ATRN: variants seen among roughly 807,000 people sequenced by gnomAD.
ATRN encodes attractin-2.
In ATRN, 54 loss-of-function variants were observed where a neutral mutation model predicts 178.7. That is an observed-to-expected ratio of 0.30 (90% confidence interval 0.24 to 0.38). The LOEUF (loss-of-function observed/expected upper bound fraction) is 0.38, where lower values mean the gene tolerates loss of function less well. Ranked by LOEUF, ATRN falls within the 10% of genes least tolerant of loss-of-function variation. ATRN has a pLI of 1.00. For synonymous variants in ATRN, 636 were observed against 663.0 expected, an observed-to-expected ratio of 0.96 and a Z score of 0.63; for missense variants, 1,443 against 1,815.1, an observed-to-expected ratio of 0.79 and a Z score of 3.73.
chr20:3,547,250 T>G, intron 4 of ATRN, 34 bp from the exon 5 acceptor site: 1 of 1,507,538 alleles, frequency 6.6e-7, no homozygotes, highest in South Asian at 1.1e-5. Context: ...AGCGTTGCGT[T>G]GTGTTAATGT....
intron 6 of ATRN, among the ~76,000 whole-genome samples, chr20:3,552,559 A>G (rs910503516): frequency 2.6e-5 from 4 of 152,190 alleles, no homozygotes; most frequent in Non-Finnish European, 5.9e-5. Flanking sequence ...CTACATAACA[A>G]ATTACCACAA....
intron 9 of ATRN, 99 bp from the exon 10 acceptor site, chr20:3,563,110 G>T: frequency 1.9e-6 from 2 of 1,034,334 alleles, no homozygotes; most frequent in South Asian, 1.9e-5. Context: ...TGTACATTTG[G>T]GTCTGAGGTT....
rs141645103 is a variant in ATRN at position 3,514,676 on chromosome 20, T to A, written c.411-20577T>A. On this transcript the variant is annotated intron_variant, in intron 1 of 28. Transcript: ENST00000262919. The stretch of plus-strand genomic sequence containing the variant: ...CAAACTAGGAATGGAAAATACTTCC[T>A]TGGCTGGGTGAGGTGACTCATGCCT... 3.6e-4 allele frequency among the ~76,000 whole-genome samples: 55 copies of A among 152,324 alleles called. 2 individuals carry two copies. The East Asian group carries it at 0.01, about 29-fold the overall frequency.
intron 1 of ATRN, among the ~76,000 whole-genome samples, chr20:3,480,290 G>A (rs188036970): frequency 3.9e-5 from 6 of 152,118 alleles, no homozygotes; most frequent in Non-Finnish European, 2.9e-5. Context: ...GACTTTTGTC[G>A]GAGATCCCTT....
intron 25 of ATRN, among the ~76,000 whole-genome samples, chr20:3,628,240 A>C (rs571973856): frequency 7.3e-5 from 11 of 149,662 alleles, no homozygotes; most frequent in Non-Finnish European, 1.6e-4. Flanking sequence ...GATAAAATTT[A>C]ATACCCATTC....
chr20:3,505,840 A>G (rs1162356027), intron 1 of ATRN, among the ~76,000 whole-genome samples: 1 of 152,260 alleles, frequency 6.6e-6, no homozygotes, highest in Non-Finnish European at 1.5e-5. Context: ...TATTTGATAA[A>G]TTAGACTTCA....
At chr20:3,475,798 A>G (rs2146056658) in intron 1 of ATRN, among the ~76,000 whole-genome samples, 1 of 152,348 alleles carries the variant, frequency 6.6e-6, no homozygotes, top group Non-Finnish European at 1.5e-5. Flanking sequence ...TGTAGAAAAA[A>G]AAAGAAAGGA....
At chr20:3,551,680 C>CT (rs766367456) in intron 6 of ATRN, among the ~76,000 whole-genome samples, 38 of 152,106 alleles carry the variant, frequency 2.5e-4, no homozygotes, top group Non-Finnish European at 4.7e-4. Flanking sequence ...CTTCTTAACT[C>CT]TAATATCTTC....
rs760968702 is a variant in ATRN, at chr20:3,572,874, C to T, written c.2015C>T (p.Ser672Leu). The T allele has an allele frequency of 1.4e-5, 22 of 1,613,564 alleles. 1 individual carries two copies. The highest frequency in any genetic ancestry group is 3.3e-5 in the South Asian group (3 of 91,020). The change falls in exon 12 of 29, where the codon TCG (serine) becomes TTG (leucine). Residue 672 changes from serine (S) to leucine (L), a missense_variant. Coordinates refer to ENST00000262919, the MANE Select transcript of ATRN (RefSeq NM_139321.3). ...ATTCGGTGTGTGTGGAACACAGGGT[C>T]GTCTCAGTGTATCTCGTGGGCGCTG... ...PGIRCVWNTG[S>L]SQCISWALAT...
At chr20:3,483,880 A>T (rs1458813677) in intron 1 of ATRN, among the ~76,000 whole-genome samples, 1 of 152,176 alleles carries the variant, frequency 6.6e-6, no homozygotes, top group Admixed American at 6.5e-5. Context: ...ATTCCCCATT[A>T]TACAGTATTA....
intron 1 of ATRN, among the ~76,000 whole-genome samples, chr20:3,484,206 A>G (rs1478228554): frequency 6.6e-6 from 1 of 151,990 alleles, no homozygotes. Flanking sequence ...CTAAGATCAC[A>G]CTACTGCATT....
chr20:3,611,529 G>A (rs1568763849), intron 24 of ATRN, among the ~76,000 whole-genome samples: 1 of 152,164 alleles, frequency 6.6e-6, no homozygotes, highest in Non-Finnish European at 1.5e-5. Flanking sequence ...ACCACTTGAG[G>A]TCAGGAGTTC....
intron 6 of ATRN, among the ~76,000 whole-genome samples, chr20:3,556,707 G>C (rs550088361): frequency 6.6e-6 from 1 of 151,986 alleles, no homozygotes; most frequent in Admixed American, 6.6e-5. Flanking sequence ...CATTTATCTT[G>C]TACTTTTTTG....
chr20:3,532,887 C>T (rs1010125358), intron 1 of ATRN, among the ~76,000 whole-genome samples: 1 of 152,118 alleles, frequency 6.6e-6, no homozygotes, highest in Non-Finnish European at 1.5e-5. Context: ...CTCAACCTCC[C>T]GAGTAGCTGG....
Position 3,547,403 on chromosome 20 carries a change from A to G in ATRN, c.857A>G (p.His286Arg). The change falls in exon 5 of 29, where the codon CAC becomes CGC. Residue 286 changes from histidine to arginine, a missense_variant. His to Arg is a conservative substitution (Grantham distance 29, BLOSUM62 0). Around this residue, in one of 4 missense-constraint regions of ATRN, gnomAD observed 862 missense variants for 972.1 expected, o/e 0.89. Transcript: ENST00000262919. ...NWKGEACDIP[H>R]CTDNCGFPHR... ...AAAGGTGAAGCATGTGACATTCCTC[A>G]CTGTACAGACAACTGTGGTTTTCCT... 6.2e-7 allele frequency: 1 copy of G among 1,614,036 alleles called. No individual in the cohort carries two copies. Among genetic ancestry groups the G allele is most frequent in the Non-Finnish European group, 8.5e-7 (1 of 1,179,890 alleles).
rs1271797449 is a variant in ATRN at position 3,638,090 on chromosome 20, T to G, written c.3943-738T>G. The stretch of plus-strand genomic sequence containing the variant: ...TATTTGACAAGTCGACGTCATAGCA[T>G]TAAATCCACAGTACTTTTATTTTTA... On this transcript the variant is annotated intron_variant, in intron 26 of 28. Transcript: ENST00000262919. This position sits in a 1 kb window ranked among gnomAD's most constrained non-coding sequence, Gnocchi z 4.5. Among the ~76,000 whole-genome samples, 1 of 152,228 alleles carries G rather than the reference T, an allele frequency of 6.6e-6. No homozygotes were observed. The highest frequency in any genetic ancestry group is 2.4e-5 in the African/African-American group (1 of 41,454).
At chr20:3,538,329 G>A (rs1568715384) in intron 2 of ATRN, among the ~76,000 whole-genome samples, 1 of 152,066 alleles carries the variant, frequency 6.6e-6, no homozygotes, top group African/African-American at 2.4e-5. Context: ...GATGCCCACA[G>A]TTTCACCCAC....
In ATRN at chr20:3,549,242, T is replaced by A. The variant is rs1309800071; in HGVS notation, c.1016T>A (p.Leu339His). The change falls in exon 6 of 29, where the codon CTC (leucine) becomes CAC (histidine). Residue 339 changes from leucine to histidine, a missense_variant. Around this residue, in one of 4 missense-constraint regions of ATRN, gnomAD observed 862 missense variants for 972.1 expected, o/e 0.89. Transcript: ENST00000262919. ...WTREEYSNLK[L>H]PRASHKAVVN... ...CGAGAGGAATATTCTAACTTAAAGC[T>A]CCCCAGAGCATCTCATAAAGCTGTG... is the stretch of plus-strand genomic sequence containing the variant. 1.2e-6 allele frequency: 2 copies of A among 1,610,622 alleles called. No homozygotes were observed. Among genetic ancestry groups the A allele is most frequent in the Admixed American group, 3.4e-5 (2 of 59,188 alleles).
At chr20:3,568,302 A>G (rs1007668876) in intron 11 of ATRN, among the ~76,000 whole-genome samples, 3 of 151,222 alleles carry the variant, frequency 2.0e-5, no homozygotes, top group African/African-American at 4.9e-5. Context: ...AAAAAAAAAA[A>G]AGAGAAAGAA....
Sources: gnomAD v4.1 joint callset for allele counts (sites outside exome capture counted in the v4.1 genomes callset) on GRCh38, gnomAD v4.1.1 for gene constraint, gnomAD v4.1.1 regional missense constraint, Gnocchi (gnomAD v3.1) non-coding constraint, MANE v1.5 for transcripts, NCBI Gene and HGNC (gene_info 2026-07-23, HGNC 2026-07-21) for gene names.